Variants in MFHAS1 observed in about 807,000 individuals in gnomAD.
The protein encoded by MFHAS1 is malignant fibrous histiocytoma-amplified sequence 1.
Under a neutral mutation model 70.4 loss-of-function variants are expected in MFHAS1, and 50 were observed. The observed-to-expected ratio is 0.71, with a 90% confidence interval of 0.57 to 0.90. The LOEUF (loss-of-function observed/expected upper bound fraction) is 0.90, where lower values mean the gene tolerates loss of function less well. Among genes scored for constraint, MFHAS1 ranks in the 40% least tolerant of loss-of-function variants. MFHAS1 has a pLI of 0.00. For synonymous variants in MFHAS1, 952 were observed against 620.0 expected (o/e 1.54, Z -7.96); for missense variants, 1,795 against 1,347.6 (o/e 1.33, Z -5.20).
intron 1 of MFHAS1, among the ~76,000 whole-genome samples, chr8:8,843,095 C>T (rs1585046981): frequency 6.6e-6 from 1 of 151,458 alleles, no homozygotes; most frequent in Non-Finnish European, 1.5e-5. Context: ...GAAACCCGGT[C>T]TCTACTAAAA....
At chr8:8,857,577 T>G (rs1409230174) in intron 1 of MFHAS1, among the ~76,000 whole-genome samples, 1 of 152,020 alleles carries the variant, frequency 6.6e-6, no homozygotes, top group Non-Finnish European at 1.5e-5. Flanking sequence ...GCCAATATTG[T>G]GAAACCCCGT....
intron 1 of MFHAS1, among the ~76,000 whole-genome samples, chr8:8,848,843 T>G (rs528419023): frequency 1.3e-5 from 2 of 152,312 alleles, no homozygotes; most frequent in African/African-American, 4.8e-5. Context: ...CAGTGCGAAG[T>G]CGGTTTCCGT....
intron 1 of MFHAS1, among the ~76,000 whole-genome samples, chr8:8,856,533 C>T (rs942532930): frequency 2.0e-4 from 30 of 152,292 alleles, no homozygotes; most frequent in African/African-American, 7.0e-4. Context: ...TTGGGATCCA[C>T]TGGTGGGAAA....
intron 1 of MFHAS1, chr8:8,822,275 A>G (rs1240944104): frequency 1.3e-5 from 2 of 152,564 alleles, no homozygotes; most frequent in African/African-American, 4.8e-5. Context: ...GGTCATTTGC[A>G]TCGTGCGCAG....
intron 1 of MFHAS1, among the ~76,000 whole-genome samples, chr8:8,883,221 T>A (rs545848058): frequency 6.6e-6 from 1 of 152,162 alleles, no homozygotes; most frequent in Non-Finnish European, 1.5e-5. Context: ...GCCTACCTGA[T>A]GTGCTTTCCA....
intron 1 of MFHAS1, among the ~76,000 whole-genome samples, chr8:8,846,831 C>T (rs1253939035): frequency 1.3e-5 from 2 of 152,220 alleles, no homozygotes; most frequent in East Asian, 3.9e-4. Context: ...CGACCCACCC[C>T]GCCCATCATT....
At chr8:8,793,164 A>G (rs1289820172) in intron 2 of MFHAS1, among the ~76,000 whole-genome samples, 2 of 149,762 alleles carry the variant, frequency 1.3e-5, no homozygotes, top group African/African-American at 5.1e-5. Flanking sequence ...AGAGTAAATC[A>G]TGTTGTTAAA....
At chr8:8,854,554 G>A (rs886134665) in intron 1 of MFHAS1, among the ~76,000 whole-genome samples, 3 of 151,338 alleles carry the variant, frequency 2.0e-5, no homozygotes, top group Non-Finnish European at 4.4e-5. Context: ...GTGAGGTGGT[G>A]CATGCCTCTA....
intron 1 of MFHAS1, among the ~76,000 whole-genome samples, chr8:8,861,507 G>C (rs1203219287): frequency 6.6e-6 from 1 of 152,164 alleles, no homozygotes; most frequent in African/African-American, 2.4e-5. Context: ...CCAAATTAGT[G>C]TGAAAACAGC....
intron 1 of MFHAS1, among the ~76,000 whole-genome samples, chr8:8,879,994 A>G: frequency 6.6e-6 from 1 of 152,360 alleles, no homozygotes; most frequent in South Asian, 2.1e-4. Flanking sequence ...GACAAGAATT[A>G]CACAACATTT....
At chr8:8,808,745 T>C (rs964074121) in intron 1 of MFHAS1, among the ~76,000 whole-genome samples, 2 of 152,210 alleles carry the variant, frequency 1.3e-5, no homozygotes, top group African/African-American at 4.8e-5. Flanking sequence ...GCAAAAGATA[T>C]GACCGGAAAC....
intron 1 of MFHAS1, among the ~76,000 whole-genome samples, chr8:8,861,263 C>G (rs911490163): frequency 6.6e-6 from 1 of 152,174 alleles, no homozygotes; most frequent in African/African-American, 2.4e-5. Context: ...GTGACCATTG[C>G]CAAGTCTTTC....
At chr8:8,820,933 G>A (rs1434088168) in intron 1 of MFHAS1, among the ~76,000 whole-genome samples, 3 of 152,252 alleles carry the variant, frequency 2.0e-5, no homozygotes, top group Non-Finnish European at 4.4e-5. Flanking sequence ...AATAGCAGCA[G>A]TGAGAGAGAG....
At chr8:8,866,752 T>C (rs1169688443) in intron 1 of MFHAS1, among the ~76,000 whole-genome samples, 1 of 152,208 alleles carries the variant, frequency 6.6e-6, no homozygotes, top group South Asian at 2.1e-4. Context: ...GAAGACAGAA[T>C]GGCATGAATG....
intron 2 of MFHAS1, among the ~76,000 whole-genome samples, chr8:8,791,028 C>T (rs1051685767): frequency 4.6e-5 from 7 of 151,830 alleles, no homozygotes; most frequent in Admixed American, 1.3e-4. Flanking sequence ...AAGGGTATTT[C>T]GAAATGCAAT....
chr8:8,872,145 T>C (rs753843446), intron 1 of MFHAS1, among the ~76,000 whole-genome samples: 5 of 152,226 alleles, frequency 3.3e-5, no homozygotes, highest in Non-Finnish European at 7.3e-5. Context: ...CAAGGGAGCA[T>C]GTGACTGTGC....
intron 1 of MFHAS1, among the ~76,000 whole-genome samples, chr8:8,844,887 G>C (rs910630381): frequency 1.3e-5 from 2 of 152,154 alleles, no homozygotes; most frequent in African/African-American, 4.8e-5. Context: ...TGGTCAGTGA[G>C]GTTGTTGCTG....
intron 1 of MFHAS1, among the ~76,000 whole-genome samples, chr8:8,857,139 T>C (rs1808474810): frequency 6.6e-6 from 1 of 152,106 alleles, no homozygotes. Context: ...TTCAGTCCCT[T>C]AAGCAAAGTG....
chr8:8,877,431 A>G (rs1238034354), intron 1 of MFHAS1, among the ~76,000 whole-genome samples: 1 of 152,190 alleles, frequency 6.6e-6, no homozygotes. Context: ...ACAGCCCACA[A>G]TAAAATGGTA....
Sources: allele counts gnomAD v4.1 joint callset (sites outside exome capture counted in the v4.1 genomes callset), GRCh38; gene constraint gnomAD v4.1.1; transcripts MANE v1.5; gene names NCBI Gene and HGNC (gene_info 2026-07-23, HGNC 2026-07-21).